PIK3CD: variants seen among roughly 807,000 people sequenced by gnomAD.
PIK3CD encodes the protein phosphatidylinositol-4,5-bisphosphate 3-kinase catalytic subunit delta, also known as phosphatidylinositol 4,5-bisphosphate 3-kinase catalytic subunit delta isoform.
In PIK3CD, 20 loss-of-function variants were observed where a neutral mutation model predicts 122.9. The ratio of observed to expected loss-of-function variants is 0.16; its 90% CI spans 0.11 to 0.24. The LOEUF (loss-of-function observed/expected upper bound fraction) is 0.24, where lower values mean the gene tolerates loss of function less well. PIK3CD is among the 10% of genes least tolerant of loss of function. The pLI, the probability that PIK3CD is intolerant of heterozygous loss-of-function variation, is 1.00. For synonymous variants in PIK3CD, 596 were observed against 593.4 expected, an observed-to-expected ratio of 1.00 and a Z score of -0.06; for missense variants, 787 against 1,406.3, an observed-to-expected ratio of 0.56 and a Z score of 7.04.
In PIK3CD at chr1:9,680,045, G is replaced by A. The variant is rs1645691101; in HGVS notation, c.-137-11422G>A. ...TCACCATGTTGGCCAGCCTGGTCTC[G>A]AACTCTTAACCTCAGGTGATCCACC... is the stretch of plus-strand genomic sequence containing the variant. On this transcript the variant is annotated intron_variant, in intron 1 of 23. Coordinates refer to ENST00000377346, the MANE Select transcript of PIK3CD (RefSeq NM_005026.5). Among the ~76,000 whole-genome samples, 3 of 152,076 alleles carry A rather than the reference G, an allele frequency of 2.0e-5. No homozygotes were observed. The South Asian group carries it at 6.2e-4, about 32-fold the overall frequency.
chr1:9,666,592 G>C (rs2100916180), intron 1 of PIK3CD, among the ~76,000 whole-genome samples: 1 of 152,038 alleles, frequency 6.6e-6, no homozygotes, highest in Non-Finnish European at 1.5e-5. Context: ...CTTGAAATCA[G>C]TAGAAATAAA....
rs753981383 is a variant in PIK3CD, at chr1:9,715,821, C to T, written c.371-28C>T. The T allele has an allele frequency of 3.3e-5, 53 of 1,610,126 alleles. No individual in the cohort carries two copies. The highest frequency in any genetic ancestry group is 3.3e-4 in the Middle Eastern group (2 of 6,084). ...CCGGGCTGGCCCTGCCTGCCCCACCCGCTGACCCAGCCCTCCCCACCCCGC... is the reference window on the plus strand; with the variant it reads ...CCGGGCTGGCCCTGCCTGCCCCACCTGCTGACCCAGCCCTCCCCACCCCGC... On this transcript the variant is annotated intron_variant, in intron 4 of 23. Coordinates refer to ENST00000377346, the MANE Select transcript of PIK3CD (RefSeq NM_005026.5). This position sits in a 1 kb window ranked among gnomAD's most constrained non-coding sequence, Gnocchi z 4.1.
chr1:9,678,476 T>TC (rs1645625059), intron 1 of PIK3CD, among the ~76,000 whole-genome samples: 1 of 151,996 alleles, frequency 6.6e-6, no homozygotes, highest in Non-Finnish European at 1.5e-5. Context: ...AGAAAAAAAC[T>TC]CCATCTTCCA....
intron 2 of PIK3CD, among the ~76,000 whole-genome samples, chr1:9,705,903 G>A (rs1361044902): frequency 1.3e-5 from 2 of 152,168 alleles, no homozygotes; most frequent in Non-Finnish European, 2.9e-5. Flanking sequence ...ACAGTGTGGT[G>A]ATATTTAGTA....
chr1:9,627,740 G>A, the PIK3CD span, among the ~76,000 whole-genome samples: 1 of 152,206 alleles, frequency 6.6e-6, no homozygotes, highest in Non-Finnish European at 1.5e-5. Context: ...CCTTATCGCG[G>A]CCACCTTCCC....
chr1:9,681,855 A>C (rs1645765967), intron 1 of PIK3CD, among the ~76,000 whole-genome samples: 1 of 152,192 alleles, frequency 6.6e-6, no homozygotes, highest in South Asian at 2.1e-4. Context: ...TCATATGGAG[A>C]GTGATCCAGC....
chr1:9,716,962 A>G lies in PIK3CD; in HGVS notation c.784A>G (p.Ile262Val), dbSNP rs796730337. The G allele has an allele frequency of 1.2e-6, 2 of 1,613,628 alleles. No homozygotes were observed. Among genetic ancestry groups the G allele is most frequent in the African/African-American group, 1.3e-5 (1 of 74,910 alleles). ...CTCACCCTGCACCCCGTCTCAGTAC[A>G]TCTGCAGCTGCCTGCACAGTGGGTT... ...GSYPLCQFQYICSCLHSGLTP... is the reference protein window; with the variant it reads ...GSYPLCQFQYVCSCLHSGLTP... Residue 262 changes from isoleucine (I) to valine (V), a missense_variant, in exon 7 of 24, where the codon ATC becomes GTC. Physicochemically the swap from Ile to Val is conservative, Grantham distance 29 (BLOSUM62 3). Transcript: ENST00000377346.
chr1:9,709,209 T>C (rs950978276), intron 2 of PIK3CD, among the ~76,000 whole-genome samples: 1 of 151,968 alleles, frequency 6.6e-6, no homozygotes, highest in Non-Finnish European at 1.5e-5. Flanking sequence ...TTTATATTTT[T>C]AGTAGAGACA....
rs1644703829 is a variant in PIK3CD, at chr1:9,652,418, T to A, written c.-138+616T>A. Among the ~76,000 whole-genome samples, 1 of 152,084 alleles carries A rather than the reference T, an allele frequency of 6.6e-6. No homozygotes were observed. The highest frequency in any genetic ancestry group is 6.5e-5 in the Admixed American group (1 of 15,276). ...CGGGGTGGAAGTTTTCGGGGCTTCC[T>A]CCCGGCTCGTGGACCCGCGCCCCGC... On this transcript the variant is annotated intron_variant, in intron 1 of 23. Coordinates refer to ENST00000377346, the MANE Select transcript of PIK3CD (RefSeq NM_005026.5). This position sits in a 1 kb window ranked among gnomAD's most constrained non-coding sequence, Gnocchi z 6.2.
At chr1:9,684,706 T>TA (rs1258423154) in intron 1 of PIK3CD, among the ~76,000 whole-genome samples, 3 of 149,348 alleles carry the variant, frequency 2.0e-5, no homozygotes, top group Non-Finnish European at 4.4e-5. Context: ...CTACAAAAAT[T>TA]AAAAATTAGT....
At position 9,685,515 on chromosome 1, in the gene PIK3CD, C is replaced by T. The variant is rs192766240; in HGVS notation, c.-137-5952C>T. 4.3e-4 allele frequency among the ~76,000 whole-genome samples: 66 copies of T among 152,136 alleles called. 1 individual carries two copies. The Middle Eastern group carries it at 0.02, about 47-fold the overall frequency. On this transcript the variant is annotated intron_variant, in intron 1 of 23. Coordinates refer to ENST00000377346, the MANE Select transcript of PIK3CD (RefSeq NM_005026.5). The stretch of plus-strand genomic sequence containing the variant: ...CTGGGATCACAGGCATGCACCACCA[C>T]ACCTGGCTAATTCTTGTATTTTTAG...
At chr1:9,640,233 G>A in the PIK3CD span, among the ~76,000 whole-genome samples, 2 of 151,930 alleles carry the variant, frequency 1.3e-5, no homozygotes, top group Non-Finnish European at 2.9e-5. Context: ...TCCTAGAATT[G>A]CCAGTTTCCC....
chr1:9,717,231 G>T lies in PIK3CD; in HGVS notation c.930+123G>T. 7.8e-7 allele frequency: 1 copy of T among 1,289,878 alleles called. No homozygotes were observed. The highest frequency in any genetic ancestry group is 2.4e-5 in the East Asian group (1 of 40,928). The allele number at this position is 1,289,878 out of a possible 1,614,324, so 79.9% of individuals were successfully genotyped here. ...TATGGAGAGCTGGGGCTTTGAGCTG[G>T]GGAAGCCAACACAGCTGACCAGCGT... On this transcript the variant is annotated intron_variant, in intron 7 of 23. Coordinates refer to ENST00000377346, the MANE Select transcript of PIK3CD (RefSeq NM_005026.5). The surrounding 1 kb of genome is among the most constrained non-coding windows in gnomAD (Gnocchi z 5.4).
In PIK3CD at chr1:9,728,988, CA is replaced by C. The variant is rs1424962450; in HGVS notation, c.*1946del. 4 of 152,106 alleles carry C rather than the reference CA, an allele frequency of 2.6e-5. No homozygotes were observed. Among genetic ancestry groups the C allele is most frequent in the Non-Finnish European group, 5.9e-5 (4 of 68,032 alleles). The allele number at this position is 152,106 out of a possible 1,614,324, so 9.4% of individuals were successfully genotyped here. Reference sequence around the variant, plus strand: ...AAACAAGGGAGTGTAGGTTTAAAACCAAAACAGGAGAGAAGACAAACCCCGC... The same window carrying C: ...AAACAAGGGAGTGTAGGTTTAAAACCAAACAGGAGAGAAGACAAACCCCGC... On this transcript the variant is annotated 3_prime_UTR_variant, in exon 24 of 24. Transcript: ENST00000377346.
rs199995416 is a variant in PIK3CD, at chr1:9,716,664, G to A, written c.780+45G>A. ...CTGCACTCTGGGCTCCCAACGCCCT[G>A]GATAGGGCCTGGGTGGGAGTCGGGG... On this transcript the variant is annotated intron_variant, in intron 6 of 23. Transcript: ENST00000377346. 4 of 1,528,880 alleles carry A rather than the reference G, an allele frequency of 2.6e-6. No individual in the cohort carries two copies. The African/African-American group carries it at 5.5e-5, about 21-fold the overall frequency. The allele number at this position is 1,528,880 out of a possible 1,614,324, so 94.7% of individuals were successfully genotyped here. A position where few individuals can be genotyped will look rare whatever the true frequency, so the allele number is the denominator to read the frequency against.
chr1:9,717,811 C>A lies in PIK3CD; in HGVS notation c.1020+185C>A, dbSNP rs930426902. 1.3e-5 allele frequency among the ~76,000 whole-genome samples: 2 copies of A among 152,174 alleles called. No homozygotes were observed. Among genetic ancestry groups the A allele is most frequent in the Admixed American group, 1.3e-4 (2 of 15,272 alleles). ...AGGAAGTGGGGAGGGGGTGGGCCAG[C>A]CGGCCCTGGAGGCTGATTCGTAGAA... is the stretch of plus-strand genomic sequence containing the variant. On this transcript the variant is annotated intron_variant, in intron 8 of 23. Coordinates refer to ENST00000377346, the MANE Select transcript of PIK3CD (RefSeq NM_005026.5). The surrounding 1 kb of genome is among the most constrained non-coding windows in gnomAD (Gnocchi z 5.4).
intron 3 of PIK3CD, among the ~76,000 whole-genome samples, chr1:9,714,443 C>G (rs1247356143): frequency 6.6e-6 from 1 of 152,120 alleles, no homozygotes; most frequent in Non-Finnish European, 1.5e-5. Context: ...TGGATTTAGC[C>G]AGGAAAAGGG....
At chr1:9,692,287 G>A (rs923891802) in intron 2 of PIK3CD, among the ~76,000 whole-genome samples, 2 of 152,160 alleles carry the variant, frequency 1.3e-5, no homozygotes, top group African/African-American at 2.4e-5. Context: ...CACTGGAGAC[G>A]CTACTGTCAT....
chr1:9,649,416 A>G (rs116894605), upstream of PIK3CD, among the ~76,000 whole-genome samples: 517 of 151,900 alleles, frequency 3.4e-3, 5 homozygotes, highest in East Asian at 0.023. Flanking sequence ...ATTTTTTTGT[A>G]GAGACTGGGT....
Sources: allele counts gnomAD v4.1 joint callset (sites outside exome capture counted in the v4.1 genomes callset), GRCh38; gene constraint gnomAD v4.1.1; non-coding constraint Gnocchi (gnomAD v3.1); transcripts MANE v1.5; gene names NCBI Gene and HGNC (gene_info 2026-07-23, HGNC 2026-07-21).